The following CADM2 variants were observed in gnomAD, a reference collection of about 807,000 sequenced individuals.
The protein encoded by CADM2 is cell adhesion molecule 2.
A neutral mutation model predicts 49.8 loss-of-function variants in CADM2; 12 were observed. That is an observed-to-expected ratio of 0.24 (90% confidence interval 0.15 to 0.39). The LOEUF is 0.39. CADM2 is among the 10% of genes least tolerant of loss of function. The pLI, the probability that CADM2 is intolerant of heterozygous loss-of-function variation, is 1.00. For synonymous variants in CADM2, 214 were observed against 175.4 expected (o/e 1.22, Z -1.74); for missense variants, 378 against 492.3 (o/e 0.77, Z 2.20).
intron 8 of CADM2, among the ~76,000 whole-genome samples, chr3:85,988,061 A>G (rs1016075984): frequency 6.6e-6 from 1 of 152,172 alleles, no homozygotes; most frequent in African/African-American, 2.4e-5. Context: ...GGGATAGAAG[A>G]TGACCTTGAC....
chr3:84,975,075 G>A (rs190006968), intron 1 of CADM2, among the ~76,000 whole-genome samples: 11 of 151,878 alleles, frequency 7.2e-5, no homozygotes, highest in Admixed American at 6.6e-4. Context: ...AGGAAATTTT[G>A]TTTGCCTAAT....
chr3:85,186,707 A>G (rs552775795), intron 1 of CADM2, among the ~76,000 whole-genome samples: 2 of 152,044 alleles, frequency 1.3e-5, no homozygotes, highest in Admixed American at 6.6e-5. Flanking sequence ...CAGTCTTGAC[A>G]ATCGGAAACG....
At chr3:85,702,009 TA>T in intron 1 of CADM2, among the ~76,000 whole-genome samples, 1 of 150,052 alleles carries the variant, frequency 6.7e-6, no homozygotes, top group East Asian at 1.9e-4. Context: ...GATAGATAGA[TA>T]GATAGATAGT....
chr3:85,252,667 A>G (rs562704970), intron 1 of CADM2, among the ~76,000 whole-genome samples: 127 of 152,106 alleles, frequency 8.3e-4, no homozygotes, highest in Non-Finnish European at 1.5e-3. Flanking sequence ...TTAGGGAGCA[A>G]TGAAAAAACT....
intron 1 of CADM2, among the ~76,000 whole-genome samples, chr3:85,719,909 G>T (rs1394852580): frequency 2.0e-5 from 3 of 151,416 alleles, no homozygotes; most frequent in Admixed American, 6.6e-5. Context: ...TTATGAAATG[G>T]TTTTCACAAG....
At chr3:85,967,240 A>G (rs890911239) in intron 8 of CADM2, among the ~76,000 whole-genome samples, 9 of 151,630 alleles carry the variant, frequency 5.9e-5, no homozygotes, top group African/African-American at 2.2e-4. Flanking sequence ...CATCCTGGGT[A>G]GTGATTCTCC....
chr3:85,656,354 C>T (rs574144566), intron 1 of CADM2, among the ~76,000 whole-genome samples: 202 of 152,134 alleles, frequency 1.3e-3, no homozygotes, highest in African/African-American at 4.3e-3. Flanking sequence ...CAGTGGCTCA[C>T]GCCTGTAATC....
At chr3:85,411,910 C>A (rs979301933) in intron 1 of CADM2, among the ~76,000 whole-genome samples, 1 of 152,114 alleles carries the variant, frequency 6.6e-6, no homozygotes, top group South Asian at 2.1e-4. Context: ...TCACTGCAAC[C>A]TCTGCCTCCC....
chr3:85,317,100 A>G (rs1422583469), intron 1 of CADM2, among the ~76,000 whole-genome samples: 1 of 151,794 alleles, frequency 6.6e-6, no homozygotes, highest in Non-Finnish European at 1.5e-5. Flanking sequence ...GCTTGTCTAC[A>G]TTTCTGGAAT....
chr3:85,281,321 A>G (rs949442755), intron 1 of CADM2, among the ~76,000 whole-genome samples: 1 of 152,028 alleles, frequency 6.6e-6, no homozygotes, highest in Non-Finnish European at 1.5e-5. Flanking sequence ...GCAAAAATGT[A>G]AAAGATATCC....
At chr3:85,803,589 A>G (rs1292410082) in intron 3 of CADM2, among the ~76,000 whole-genome samples, 1 of 152,068 alleles carries the variant, frequency 6.6e-6, no homozygotes, top group Non-Finnish European at 1.5e-5. Context: ...GGGGTCTGGC[A>G]AGTTTGAAAA....
intron 1 of CADM2, among the ~76,000 whole-genome samples, chr3:85,256,853 A>T (rs1183453331): frequency 6.6e-6 from 1 of 152,106 alleles, no homozygotes; most frequent in East Asian, 1.9e-4. Context: ...TTTGAATTTG[A>T]TTTTCTTCTG....
chr3:85,160,345 A>G (rs1046412552), intron 1 of CADM2, among the ~76,000 whole-genome samples: 3 of 152,092 alleles, frequency 2.0e-5, no homozygotes, highest in African/African-American at 4.8e-5. Context: ...TCATTATGGT[A>G]CATATAAAGT....
chr3:85,718,889 T>G (rs1361920750), intron 1 of CADM2, among the ~76,000 whole-genome samples: 1 of 65,506 alleles, frequency 1.5e-5, no homozygotes, highest in Admixed American at 1.4e-4. Flanking sequence ...TATTTTATTA[T>G]TATTATTATT....
rs2030184268 is a variant in CADM2, at chr3:84,959,069, CGCCGCTGCCGCT to C, written c.-536_-525del. The C allele has an allele frequency of 9.9e-6, 2 of 202,050 alleles. No individual in the cohort carries two copies. The highest frequency in any genetic ancestry group is 1.3e-4 in the South Asian group (2 of 15,398). 12.5% of individuals were successfully genotyped at this position (202,050 alleles called of 1,614,324 possible). On this transcript the variant is annotated 5_prime_UTR_variant, in exon 1 of 10. Transcript: ENST00000383699. ...AGCATCCGGGAGCCGCCACTGCCGC[CGCCGCTGCCGCT>C]GCTACCGCCACTAGCGCTGCTTCCA...
chr3:85,181,871 G>A (rs1004596192), intron 1 of CADM2, among the ~76,000 whole-genome samples: 8 of 148,666 alleles, frequency 5.4e-5, no homozygotes, highest in Admixed American at 4.7e-4. Context: ...TTAATTTACC[G>A]TGTAAGAATT....
chr3:85,095,458 A>T (rs371933903), intron 1 of CADM2, among the ~76,000 whole-genome samples: 2 of 152,264 alleles, frequency 1.3e-5, no homozygotes. Context: ...CTTTTTAAAC[A>T]TCTAGACCTC....
At chr3:85,744,530 ATAAT>A (rs908515575) in intron 2 of CADM2, among the ~76,000 whole-genome samples, 1 of 151,316 alleles carries the variant, frequency 6.6e-6, no homozygotes, top group African/African-American at 2.4e-5. Context: ...ATAAAGATAA[ATAAT>A]AAATAAATAA....
At chr3:85,049,745 A>G (rs371048935) in intron 1 of CADM2, among the ~76,000 whole-genome samples, 17 of 152,204 alleles carry the variant, frequency 1.1e-4, no homozygotes, top group Admixed American at 1.0e-3. Context: ...AAACAGCTTT[A>G]AAAAATAAAT....
Sources: gnomAD v4.1 joint callset for allele counts (sites outside exome capture counted in the v4.1 genomes callset) on GRCh38, gnomAD v4.1.1 for gene constraint, MANE v1.5 for transcripts, NCBI Gene and HGNC (gene_info 2026-07-23, HGNC 2026-07-21) for gene names.